TPTE2: variants seen among roughly 807,000 people sequenced by gnomAD.
TPTE2 encodes phosphatidylinositol 3,4,5-trisphosphate 3-phosphatase TPTE2.
A neutral mutation model predicts 78.6 loss-of-function variants in TPTE2; 53 were observed. The observed-to-expected ratio is 0.67, with a 90% CI of 0.54 to 0.85. The LOEUF is 0.85. Ranked by LOEUF, TPTE2 falls within the 40% of genes least tolerant of loss-of-function variation. TPTE2 has a pLI of 0.00. For missense variants in TPTE2, 461 were observed against 623.0 expected, an observed-to-expected ratio of 0.74 and a Z score of 2.77; for synonymous variants, 175 against 206.2, an observed-to-expected ratio of 0.85 and a Z score of 1.30.
rs993688847 is a variant in TPTE2 at position 19,486,489 on chromosome 13, C to T, written c.120-3942G>A. On this transcript the variant is annotated intron_variant, in intron 3 of 19. Coordinates refer to ENST00000400230, the Ensembl canonical transcript of TPTE2. The surrounding 1 kb of genome is among the most constrained non-coding windows in gnomAD (Gnocchi z 4.3). ...AGCCAGGAGCATGGGGATGCAGTTG[C>T]TCAACCAGGGCATGACTGCCAGATG... is the stretch of plus-strand genomic sequence containing the variant. Among the ~76,000 whole-genome samples, 2 of 152,180 alleles carry T rather than the reference C, an allele frequency of 1.3e-5. No homozygotes were observed. The highest frequency in any genetic ancestry group is 1.3e-4 in the Admixed American group (2 of 15,278).
intron 1 of TPTE2, among the ~76,000 whole-genome samples, chr13:19,528,550 A>C (rs1334325334): frequency 2.0e-5 from 3 of 152,222 alleles, no homozygotes; most frequent in Non-Finnish European, 4.4e-5. Flanking sequence ...CCATGAACAC[A>C]TCCTTATAAC....
chr13:19,530,901 G>A (rs1200391204), intron 1 of TPTE2, among the ~76,000 whole-genome samples: 1 of 152,154 alleles, frequency 6.6e-6, no homozygotes, highest in African/African-American at 2.4e-5. Flanking sequence ...ATTCAGTGGT[G>A]TGAAGTACAT....
chr13:19,437,920 G>A (rs61956970), intron 14 of TPTE2, among the ~76,000 whole-genome samples, 172 bp downstream of exon 17: 1 of 152,004 alleles, frequency 6.6e-6, no homozygotes, highest in Non-Finnish European at 1.5e-5. Context: ...CTACTAACTA[G>A]TGCACGTTAA....
chr13:19,477,468 A>C (rs1205174220), intron 4 of TPTE2, among the ~76,000 whole-genome samples: 1 of 152,138 alleles, frequency 6.6e-6, no homozygotes, highest in East Asian at 1.9e-4. Flanking sequence ...CTCCACCTGG[A>C]CCCACCACCT....
chr13:19,555,948 G>T, the TPTE2 span, among the ~76,000 whole-genome samples: 94,155 of 151,180 alleles, frequency 0.62, 32,944 homozygotes, highest in East Asian at 0.89. Context: ...GAGTAGCTGG[G>T]ATTACAGGCG....
chr13:19,449,481 G>C (rs1450011606), intron 13 of TPTE2, among the ~76,000 whole-genome samples: 2 of 152,140 alleles, frequency 1.3e-5, no homozygotes, highest in Non-Finnish European at 1.5e-5. Context: ...AGTTAGACAG[G>C]AAGAATAAGT....
intron 1 of TPTE2, among the ~76,000 whole-genome samples, chr13:19,522,324 T>C (rs1425450125): frequency 6.6e-6 from 1 of 152,154 alleles, no homozygotes; most frequent in Non-Finnish European, 1.5e-5. Context: ...TGAAAGTCTC[T>C]GACATAATAA....
At chr13:19,497,747 C>T (rs1457916591) in intron 1 of TPTE2, among the ~76,000 whole-genome samples, 19 of 151,592 alleles carry the variant, frequency 1.3e-4, no homozygotes, top group African/African-American at 2.9e-4. Context: ...GAGCGCCTCT[C>T]CTCCTCCAAA....
At chr13:19,510,153 A>G (rs1339929157) in intron 1 of TPTE2, among the ~76,000 whole-genome samples, 1 of 152,256 alleles carries the variant, frequency 6.6e-6, no homozygotes, top group African/African-American at 2.4e-5. Flanking sequence ...TTCAATGTCT[A>G]AAACTGACAT....
intron 1 of TPTE2, among the ~76,000 whole-genome samples, chr13:19,502,379 CA>C (rs1221609918): frequency 6.6e-6 from 1 of 151,384 alleles, no homozygotes; most frequent in Non-Finnish European, 1.5e-5. Context: ...TTCACAATAG[CA>C]GAGACTTGGA....
the TPTE2 span, chr13:19,561,300 T>G: frequency 2.2e-6 from 2 of 928,226 alleles, no homozygotes; most frequent in South Asian, 4.3e-5. Context: ...TGCCCCAGCA[T>G]GCCGATCCCA....
chr13:19,527,263 A>G (rs1400403454), intron 1 of TPTE2, among the ~76,000 whole-genome samples: 2 of 152,230 alleles, frequency 1.3e-5, no homozygotes, highest in East Asian at 3.8e-4. Flanking sequence ...GGGTGACTAC[A>G]GTTAACAAAA....
At chr13:19,517,844 G>A (rs1869900071) in intron 1 of TPTE2, among the ~76,000 whole-genome samples, 1 of 152,178 alleles carries the variant, frequency 6.6e-6, no homozygotes, top group Non-Finnish European at 1.5e-5. Flanking sequence ...TTAAAGATGA[G>A]GGAGAAGGGC....
At chr13:19,430,321 C>T in intron 17 of TPTE2, 147 bp downstream of exon 20, 1 of 654,204 alleles carries the variant, frequency 1.5e-6, no homozygotes, top group South Asian at 1.9e-5. Flanking sequence ...TGCATCCAAA[C>T]CCAGTGACAC....
chr13:19,429,754 G>A (rs1876413146), intron 17 of TPTE2, among the ~76,000 whole-genome samples: 1 of 152,122 alleles, frequency 6.6e-6, no homozygotes, highest in Non-Finnish European at 1.5e-5. Flanking sequence ...CAAAGGCCTG[G>A]GTAGGAATTC....
At chr13:19,439,946 T>C (rs1877380934) in intron 13 of TPTE2, among the ~76,000 whole-genome samples, 1 of 151,972 alleles carries the variant, frequency 6.6e-6, no homozygotes, top group South Asian at 2.1e-4. Flanking sequence ...GTCAGAAATA[T>C]GAGATTATGT....
chr13:19,521,893 C>T (rs971692119), intron 1 of TPTE2, among the ~76,000 whole-genome samples: 1 of 152,172 alleles, frequency 6.6e-6, no homozygotes, highest in African/African-American at 2.4e-5. Flanking sequence ...TATATTTACT[C>T]ATATAGTTAT....
rs868608227 is a variant in TPTE2, at chr13:19,482,353, T to C, written c.179+135A>G. 100 of 919,386 alleles carry C rather than the reference T, an allele frequency of 1.1e-4. No individual in the cohort carries two copies. In the Middle Eastern group the frequency reaches 2.1e-3, roughly 20 times the overall value. The allele number at this position is 919,386 out of a possible 1,614,324, so 57.0% of individuals were successfully genotyped here. A position where few individuals can be genotyped will look rare whatever the true frequency, so the allele number is the denominator to read the frequency against. On this transcript the variant is annotated intron_variant, in intron 4 of 19. Transcript: ENST00000400230. ...AAGAATTCAACTGGAGTAAATACGGTGTACCCTCCCACCATACATTTTGAT... is the reference window on the plus strand; with the variant it reads ...AAGAATTCAACTGGAGTAAATACGGCGTACCCTCCCACCATACATTTTGAT...
At chr13:19,425,845 A>G in intron 18 of TPTE2, 1 of 517,720 alleles carries the variant, frequency 1.9e-6, no homozygotes, top group East Asian at 5.5e-5. Flanking sequence ...TGGAATTAAT[A>G]AAAAACTGCT....
Sources: gnomAD v4.1 joint callset for allele counts (sites outside exome capture counted in the v4.1 genomes callset) on GRCh38, gnomAD v4.1.1 for gene constraint, Gnocchi (gnomAD v3.1) non-coding constraint, MANE v1.5 for transcripts, NCBI Gene and HGNC (gene_info 2026-07-23, HGNC 2026-07-21) for gene names.